Variants in RSU1 observed in about 807,000 individuals in gnomAD.
RSU1 encodes Ras suppressor protein 1, also known as rsu-1.
Under a neutral mutation model 31.1 loss-of-function variants are expected in RSU1, and 26 were observed. The ratio of observed to expected loss-of-function variants is 0.84; its 90% CI spans 0.61 to 1.16. The LOEUF (loss-of-function observed/expected upper bound fraction) is 1.16, where lower values mean the gene tolerates loss of function less well. RSU1 is among the 50% of genes most tolerant of loss of function. The pLI is 0.00. For synonymous variants in RSU1, 164 were observed against 136.3 expected, an observed-to-expected ratio of 1.20 and a Z score of -1.41; for missense variants, 320 against 339.1, an observed-to-expected ratio of 0.94 and a Z score of 0.44.
chr10:16,599,919 C>A (rs576383658), intron 8 of RSU1, among the ~76,000 whole-genome samples: 4 of 152,240 alleles, frequency 2.6e-5, no homozygotes, highest in East Asian at 3.9e-4. Context: ...CCCAAGGTCA[C>A]CCATGGGGCT....
In RSU1 at chr10:16,783,364, C is replaced by CTTTTTTTTTTTTTTTTT. The variant is rs57270890; in HGVS notation, c.110-1281_110-1280insAAAAAAAAAAAAAAAAA. Among the ~76,000 whole-genome samples the CTTTTTTTTTTTTTTTTT allele has an allele frequency of 1.1e-4, 15 of 132,060 alleles. 1 individual carries two copies. Among genetic ancestry groups the CTTTTTTTTTTTTTTTTT allele is most frequent in the African/African-American group, 2.3e-4 (7 of 30,960 alleles). 86.6% of individuals were successfully genotyped at this position (132,060 alleles called of 152,430 possible). A position where few individuals can be genotyped will look rare whatever the true frequency, so the allele number is the denominator to read the frequency against. On this transcript the variant is annotated intron_variant, in intron 2 of 8. Transcript: ENST00000345264. ...TCACTTCTACTGACCACAACTTTTGCTTTTTTTTTTGAGACTGAGTCTCAC... is the reference window on the plus strand; with the variant it reads ...TCACTTCTACTGACCACAACTTTTGCTTTTTTTTTTTTTTTTTTTTTTTTTTTGAGACTGAGTCTCAC...
At chr10:16,795,353 C>CAAA (rs532677802) in intron 2 of RSU1, among the ~76,000 whole-genome samples, 4 of 75,186 alleles carry the variant, frequency 5.3e-5, no homozygotes, top group Admixed American at 1.5e-4. Context: ...GACTCCATCT[C>CAAA]AAAAAAAAAA....
At chr10:16,773,038 C>T (rs753623994) in intron 3 of RSU1, among the ~76,000 whole-genome samples, 1 of 151,922 alleles carries the variant, frequency 6.6e-6, no homozygotes, top group South Asian at 2.1e-4. Context: ...GAAACCCCAC[C>T]TCTACAAAAA....
At chr10:16,747,856 C>G (rs7910425) in intron 7 of RSU1, among the ~76,000 whole-genome samples, 27,838 of 152,114 alleles carry the variant, frequency 0.18, 3,541 homozygotes, top group African/African-American at 0.37. Flanking sequence ...AATACAGCAA[C>G]ACCCCATCTC....
intron 2 of RSU1, among the ~76,000 whole-genome samples, chr10:16,812,432 A>G (rs1838428806): frequency 6.6e-6 from 1 of 152,152 alleles, no homozygotes; most frequent in Non-Finnish European, 1.5e-5. Context: ...ACAGAGCAAG[A>G]CTCCATCTCA....
chr10:16,658,581 G>A (rs529527089), intron 8 of RSU1, among the ~76,000 whole-genome samples: 10 of 152,082 alleles, frequency 6.6e-5, no homozygotes, highest in South Asian at 2.1e-4. Context: ...AAAATTAACC[G>A]AGCGTGGTGG....
At chr10:16,661,503 G>A (rs1436871139) in intron 8 of RSU1, among the ~76,000 whole-genome samples, 2 of 152,112 alleles carry the variant, frequency 1.3e-5, no homozygotes, top group Non-Finnish European at 2.9e-5. Context: ...CTGGCAAGTA[G>A]CGTATACTTA....
At chr10:16,594,613 TATATG>T (rs1479044077) in intron 8 of RSU1, among the ~76,000 whole-genome samples, 8 of 145,154 alleles carry the variant, frequency 5.5e-5, no homozygotes, top group African/African-American at 1.8e-4. Context: ...TAATATCTAT[TATATG>T]ATATATATGA....
At chr10:16,704,183 A>G (rs1835849287) in intron 7 of RSU1, among the ~76,000 whole-genome samples, 2 of 152,238 alleles carry the variant, frequency 1.3e-5, no homozygotes, top group Admixed American at 1.3e-4. Context: ...TTTAGATACT[A>G]TCACAAGTTC....
At chr10:16,765,918 C>G (rs1837304252) in intron 3 of RSU1, among the ~76,000 whole-genome samples, 1 of 152,184 alleles carries the variant, frequency 6.6e-6, no homozygotes, top group Non-Finnish European at 1.5e-5. Context: ...GTGTAAAATG[C>G]CAAACATACA....
intron 4 of RSU1, among the ~76,000 whole-genome samples, chr10:16,756,466 G>A (rs999692372): frequency 7.2e-5 from 11 of 151,972 alleles, no homozygotes; most frequent in African/African-American, 9.7e-5. Context: ...CCAACCCTCC[G>A]CTTCCTCCTC....
intron 8 of RSU1, among the ~76,000 whole-genome samples, chr10:16,680,404 T>C (rs1398519093): frequency 6.6e-6 from 1 of 152,074 alleles, no homozygotes; most frequent in South Asian, 2.1e-4. Flanking sequence ...ACAAGGACTG[T>C]GTTAGTTCAT....
In RSU1 at chr10:16,797,862, T is replaced by TC. The variant is rs1554775553; in HGVS notation, c.110-15779_110-15778insG. Among the ~76,000 whole-genome samples, 90 of 98,998 alleles carry TC rather than the reference T, an allele frequency of 9.1e-4. 2 individuals are homozygous for TC. The highest frequency in any genetic ancestry group is 0.01 in the Middle Eastern group (2 of 194). The allele number at this position is 98,998 out of a possible 152,430, so 64.9% of individuals were successfully genotyped here. On this transcript the variant is annotated intron_variant, in intron 2 of 8. Coordinates refer to ENST00000345264, the MANE Select transcript of RSU1 (RefSeq NM_012425.4). ...GTTAAAGTGGGGATTTCTTCTTTTT[T>TC]TTTTTTTTTTTTTTTTTGAGATGGA...
chr10:16,674,147 T>C (rs75645407), intron 8 of RSU1, among the ~76,000 whole-genome samples: 1,838 of 152,212 alleles, frequency 0.012, 14 homozygotes, highest in Non-Finnish European at 0.015. Context: ...GCGTCTGTTT[T>C]TGTTTTGTTC....
At chr10:16,681,446 T>C (rs1334333257) in intron 8 of RSU1, among the ~76,000 whole-genome samples, 2 of 152,208 alleles carry the variant, frequency 1.3e-5, no homozygotes, top group South Asian at 4.1e-4. Flanking sequence ...TAATTTTATC[T>C]TGGATCCATT....
At chr10:16,762,929 C>A (rs1837237855) in intron 4 of RSU1, among the ~76,000 whole-genome samples, 1 of 151,692 alleles carries the variant, frequency 6.6e-6, no homozygotes, top group Non-Finnish European at 1.5e-5. Flanking sequence ...AGGAGAATCG[C>A]TTGAACCCAG....
chr10:16,734,477 C>T (rs564403437), intron 7 of RSU1, among the ~76,000 whole-genome samples: 1 of 152,108 alleles, frequency 6.6e-6, no homozygotes, highest in Non-Finnish European at 1.5e-5. Context: ...GAATTCTGCA[C>T]TAAAGGGCAC....
At chr10:16,670,173 C>A (rs1186093282) in intron 8 of RSU1, among the ~76,000 whole-genome samples, 2 of 152,156 alleles carry the variant, frequency 1.3e-5, no homozygotes, top group African/African-American at 2.4e-5. Context: ...TGGAGAATAA[C>A]TAAGGAGGAA....
intron 8 of RSU1, among the ~76,000 whole-genome samples, chr10:16,642,678 G>A (rs1181401529): frequency 1.3e-5 from 2 of 151,992 alleles, no homozygotes; most frequent in African/African-American, 4.8e-5. Flanking sequence ...TCTCTAAATG[G>A]ACCCTGAAAT....
Sources: allele counts gnomAD v4.1 joint callset (sites outside exome capture counted in the v4.1 genomes callset), GRCh38; gene constraint gnomAD v4.1.1; transcripts MANE v1.5; gene names NCBI Gene and HGNC (gene_info 2026-07-23, HGNC 2026-07-21).